The following AOPEP variants were observed in gnomAD, a reference collection of about 807,000 sequenced individuals.
The protein encoded by AOPEP is aminopeptidase O (putative).
AOPEP carries 77 observed loss-of-function variants against 98.1 expected under a neutral mutation model. The ratio of observed to expected loss-of-function variants is 0.78; its 90% CI spans 0.65 to 0.95. The LOEUF (loss-of-function observed/expected upper bound fraction) is 0.95. AOPEP is among the 40% of genes least tolerant of loss of function. AOPEP has a pLI of 0.00. For synonymous variants in AOPEP, 346 were observed against 365.3 expected (o/e 0.95, Z 0.60); for missense variants, 1,024 against 1,024.7 (o/e 1.00, Z 0.01).
intron 5 of AOPEP, among the ~76,000 whole-genome samples, chr9:94,889,620 T>G (rs779836102): frequency 2.6e-5 from 4 of 152,144 alleles, no homozygotes; most frequent in Non-Finnish European, 4.4e-5. Context: ...CCCAAAGTGC[T>G]AGGATTACAG....
At chr9:94,985,294 C>G (rs542870015) in intron 11 of AOPEP, among the ~76,000 whole-genome samples, 1 of 152,232 alleles carries the variant, frequency 6.6e-6, no homozygotes, top group Non-Finnish European at 1.5e-5. Context: ...CACTTCTTTC[C>G]GAGCAAACAC....
chr9:95,062,517 G>A (rs1347257862), intron 14 of AOPEP, among the ~76,000 whole-genome samples: 2 of 152,198 alleles, frequency 1.3e-5, no homozygotes, highest in African/African-American at 4.8e-5. Context: ...CCTATTCCAT[G>A]GTTGCTTTAG....
At chr9:95,127,170 T>A in the AOPEP span, 1 of 153,740 alleles carries the variant, frequency 6.5e-6, no homozygotes, top group Non-Finnish European at 1.4e-5. Context: ...TCTCCTTGAA[T>A]ATTTCGGTGA....
intron 13 of AOPEP, among the ~76,000 whole-genome samples, chr9:95,039,814 T>C (rs904107442): frequency 7.2e-5 from 11 of 152,230 alleles, no homozygotes; most frequent in Admixed American, 5.2e-4. Flanking sequence ...CCACTATCAT[T>C]ATTTATTGTC....
chr9:95,014,886 A>C (rs1454573962), intron 13 of AOPEP, among the ~76,000 whole-genome samples: 1 of 152,172 alleles, frequency 6.6e-6, no homozygotes, highest in Non-Finnish European at 1.5e-5. Context: ...CAACCAGTAC[A>C]TTTTCTTGAA....
At chr9:94,880,484 A>C (rs1429119684) in intron 5 of AOPEP, among the ~76,000 whole-genome samples, 5 of 149,972 alleles carry the variant, frequency 3.3e-5, no homozygotes, top group African/African-American at 1.2e-4. Context: ...CTCCCACCTC[A>C]GCCCCCAGAG....
At position 94,772,988 on chromosome 9, in the gene AOPEP, T is replaced by A. The variant is rs2132855618; in HGVS notation, c.798-14T>A. The A allele has an allele frequency of 1.3e-6, 2 of 1,568,306 alleles. No homozygotes were observed. The highest frequency in any genetic ancestry group is 1.7e-6 in the Non-Finnish European group (2 of 1,152,214). ...AAGATTCACCCCCTTTCTTTCTTTG[T>A]CTCTCTTCTGCAGGCCATGTGTTTA... On this transcript the variant is annotated splice_polypyrimidine_tract_variant and intron_variant, in intron 2 of 16. Coordinates refer to ENST00000375315, the MANE Select transcript of AOPEP (RefSeq NM_001193329.3).
At chr9:94,957,036 C>T (rs187800655) in intron 9 of AOPEP, among the ~76,000 whole-genome samples, 1 of 152,298 alleles carries the variant, frequency 6.6e-6, no homozygotes, top group East Asian at 1.9e-4. Context: ...GCTTGGTTGA[C>T]TGATTAGTAC....
chr9:95,060,770 G>C lies in AOPEP; in HGVS notation c.2192G>C (p.Ser731Thr). 6.2e-7 allele frequency: 1 copy of C among 1,613,918 alleles called. No homozygotes were observed. The highest frequency in any genetic ancestry group is 8.5e-7 in the Non-Finnish European group (1 of 1,179,796). Residue 731 changes from serine to threonine, a missense_variant, in exon 14 of 17, where the codon AGC becomes ACC. Coordinates refer to ENST00000375315, the MANE Select transcript of AOPEP (RefSeq NM_001193329.3). ...ACTCTGAGCCCCCGAACTCTGCAAA[G>C]CCTCCAGAGGACATACCACCTCCAG... ...QKTLSPRTLQ[S>T]LQRTYHLQDQ...
At chr9:94,827,563 A>G (rs895103864) in intron 5 of AOPEP, among the ~76,000 whole-genome samples, 3 of 152,150 alleles carry the variant, frequency 2.0e-5, no homozygotes, top group Non-Finnish European at 4.4e-5. Flanking sequence ...ATTTCCTTAC[A>G]CTGATAGTGT....
chr9:94,987,197 G>A (rs1006602854), intron 11 of AOPEP, among the ~76,000 whole-genome samples: 1 of 152,240 alleles, frequency 6.6e-6, no homozygotes, highest in African/African-American at 2.4e-5. Flanking sequence ...AGGAAAAATA[G>A]ATACATAAAT....
chr9:94,912,117 A>G (rs2052134066), intron 5 of AOPEP, among the ~76,000 whole-genome samples: 2 of 152,278 alleles, frequency 1.3e-5, no homozygotes, highest in South Asian at 4.1e-4. Flanking sequence ...AGGCCACCGT[A>G]CTTGTGGTGG....
chr9:94,781,461 A>G (rs1304330517), intron 3 of AOPEP, among the ~76,000 whole-genome samples: 2 of 151,752 alleles, frequency 1.3e-5, no homozygotes. Flanking sequence ...GCTTAATTAC[A>G]GTTTATGCCT....
chr9:95,083,435 C>T (rs1026388466), intron 16 of AOPEP, among the ~76,000 whole-genome samples: 5 of 145,300 alleles, frequency 3.4e-5, no homozygotes, highest in South Asian at 4.5e-4. Context: ...GCACATGCAG[C>T]ATACACACCA....
At chr9:94,932,376 T>TACTAAA in intron 7 of AOPEP, 1 of 670,288 alleles carries the variant, frequency 1.5e-6, no homozygotes, top group Non-Finnish European at 1.8e-6. Flanking sequence ...GGCTCTGACT[T>TACTAAA]ACTAGTTTTA....
At chr9:95,070,980 A>G (rs139453619) in intron 14 of AOPEP, among the ~76,000 whole-genome samples, 4 of 152,308 alleles carry the variant, frequency 2.6e-5, no homozygotes, top group East Asian at 3.9e-4. Context: ...GGCTACTAGG[A>G]CACACTTGAG....
intron 5 of AOPEP, among the ~76,000 whole-genome samples, chr9:94,832,389 G>A (rs1034096807): frequency 1.7e-4 from 26 of 152,152 alleles, no homozygotes; most frequent in African/African-American, 6.3e-4. Flanking sequence ...CTATGAGGTT[G>A]GCAGACATCC....
intron 4 of AOPEP, among the ~76,000 whole-genome samples, chr9:94,794,893 C>T (rs571520572): frequency 2.8e-4 from 43 of 152,254 alleles, no homozygotes; most frequent in Non-Finnish European, 4.4e-4. Flanking sequence ...CTTAGATCTA[C>T]AGTGGACTTG....
the AOPEP span, among the ~76,000 whole-genome samples, chr9:95,139,578 G>A: frequency 6.6e-6 from 1 of 152,020 alleles, no homozygotes; most frequent in Non-Finnish European, 1.5e-5. Flanking sequence ...TATTTCAAAT[G>A]AGCTGGATCT....
Sources: gnomAD v4.1 joint callset for allele counts (sites outside exome capture counted in the v4.1 genomes callset) on GRCh38, gnomAD v4.1.1 for gene constraint, MANE v1.5 for transcripts, NCBI Gene and HGNC (gene_info 2026-07-23, HGNC 2026-07-21) for gene names.